GET4: variants seen among roughly 807,000 people sequenced by gnomAD.
GET4 encodes guided entry of tail-anchored proteins factor 4.
A neutral mutation model predicts 40.0 loss-of-function variants in GET4; 20 were observed. The ratio of observed to expected loss-of-function variants is 0.50; its 90% confidence interval spans 0.35 to 0.73. The LOEUF (loss-of-function observed/expected upper bound fraction) is 0.73, where lower values mean the gene tolerates loss of function less well. GET4 is among the 30% of genes least tolerant of loss of function. GET4 has a pLI of 0.01. For synonymous variants in GET4, 280 were observed against 194.6 expected (o/e 1.44, Z -3.65); for missense variants, 557 against 454.0 (o/e 1.23, Z -2.06).
At position 884,512 on chromosome 7, in the gene GET4, C is replaced by G. The variant is rs76122742; in HGVS notation, c.156-1544C>G. On this transcript the variant is annotated intron_variant, in intron 1 of 8. Coordinates refer to ENST00000265857, the MANE Select transcript of GET4 (RefSeq NM_015949.3). ...CTTTCTCTCTTGGGTGCGGGCTTTT[C>G]CCTCCTGGTGCCCTGCCTCTGTGCA... 2,281 of 433,218 alleles carry G rather than the reference C, an allele frequency of 5.3e-3. 28 individuals carry two copies. The highest frequency in any genetic ancestry group is 0.026 in the African/African-American group (1,232 of 48,284). 26.8% of individuals were successfully genotyped at this position (433,218 alleles called of 1,614,324 possible).
rs756878531 is a variant in GET4, at chr7:893,729, C to T, written c.747-11C>T. On this transcript the variant is annotated splice_polypyrimidine_tract_variant and intron_variant, in intron 6 of 8. Coordinates refer to ENST00000265857, the MANE Select transcript of GET4 (RefSeq NM_015949.3). ...GCTCACCCAGCACATCCCTGTGTGT[C>T]TCTGTCCCAGTGGGAAGCTGACGGT... 6.3e-6 allele frequency: 10 copies of T among 1,584,632 alleles called. No individual in the cohort carries two copies. In the East Asian group the frequency reaches 1.3e-4, roughly 21 times the overall value.
chr7:878,608 C>G (rs911000224), intron 1 of GET4, among the ~76,000 whole-genome samples: 1 of 145,338 alleles, frequency 6.9e-6, no homozygotes, highest in Admixed American at 7.0e-5. Flanking sequence ...GAGTCTCGCT[C>G]TGTCCTCTGT....
chr7:876,738 C>G lies in GET4; in HGVS notation c.93C>G (p.Arg31=). ...GGVQRVEGKL[R]ASVEKGDYYE... ...TCCAGCGTGTGGAGGGCAAGCTGCG[C>G]GCCAGCGTCGAGAAGGGCGACTACT... Residue 31 remains arginine (R), a synonymous_variant, in exon 1 of 9, where the codon CGC becomes CGG. Transcript: ENST00000265857. The G allele has an allele frequency of 7.3e-7, 1 of 1,375,298 alleles. No homozygotes were observed. The highest frequency in any genetic ancestry group is 9.5e-7 in the Non-Finnish European group (1 of 1,049,494). 85.2% of individuals were successfully genotyped at this position (1,375,298 alleles called of 1,614,324 possible).
At chr7:887,234 G>A (rs757268754) in intron 3 of GET4, 136 bp from the exon 4 acceptor site, 4 of 888,260 alleles carry the variant, frequency 4.5e-6, no homozygotes, top group South Asian at 2.6e-5. Context: ...GGTGGTCCAC[G>A]GCTCACTCAG....
intron 1 of GET4, chr7:884,442 C>A: frequency 9.2e-7 from 1 of 1,090,244 alleles, no homozygotes; most frequent in Non-Finnish European, 1.2e-6. Flanking sequence ...ACAGCAAAAC[C>A]GGAGGCCTGC....
chr7:885,100 G>T (rs1197079671), intron 1 of GET4: 4 of 152,222 alleles, frequency 2.6e-5, no homozygotes, highest in African/African-American at 9.7e-5. Flanking sequence ...TGTTTACTTA[G>T]TATTTTTCTT....
At chr7:885,150 A>T (rs1412607820) in intron 1 of GET4, 1 of 152,274 alleles carries the variant, frequency 6.6e-6, no homozygotes, top group African/African-American at 2.4e-5. Flanking sequence ...GTCCAAGGAC[A>T]TTTGGCTCGC....
At chr7:888,134 C>A (rs1021541036) in intron 4 of GET4, among the ~76,000 whole-genome samples, 3 of 152,176 alleles carry the variant, frequency 2.0e-5, no homozygotes, top group African/African-American at 7.2e-5. Context: ...CGTCAGGAGG[C>A]CTGCTCGGGT....
intron 4 of GET4, among the ~76,000 whole-genome samples, 164 bp from the exon 5 acceptor site, chr7:890,764 G>A (rs1233463021): frequency 6.6e-6 from 1 of 152,086 alleles, no homozygotes; most frequent in African/African-American, 2.4e-5. Context: ...GTGAGGCCTG[G>A]GCTGGCTCTG....
chr7:887,142 G>A (rs1031876975), intron 3 of GET4: 5 of 685,946 alleles, frequency 7.3e-6, no homozygotes, highest in East Asian at 5.8e-5. Flanking sequence ...CCCAGCCCCC[G>A]CCTCGGCCAG....
chr7:880,036 T>G (rs1263825765), intron 1 of GET4: 2 of 152,206 alleles, frequency 1.3e-5, no homozygotes, highest in Non-Finnish European at 2.9e-5. Flanking sequence ...GCCTAGGAAT[T>G]TGTATATAAA....
chr7:883,789 C>G, intron 1 of GET4: 1 of 988,296 alleles, frequency 1.0e-6, no homozygotes. Flanking sequence ...TTCGCAGCTT[C>G]CAGAATTCTC....
intron 5 of GET4, 121 bp downstream of exon 5, chr7:891,187 G>A (rs944946237): frequency 2.8e-5 from 20 of 725,808 alleles, no homozygotes; most frequent in Admixed American, 1.3e-4. Flanking sequence ...TTCACTCTGG[G>A]CAGAGCCCAC....
intron 3 of GET4, among the ~76,000 whole-genome samples, 181 bp downstream of exon 3, chr7:886,831 G>A (rs996468416): frequency 1.3e-5 from 2 of 152,228 alleles, no homozygotes; most frequent in Admixed American, 6.5e-5. Context: ...TGACCCTGGC[G>A]CGAGCACACG....
intron 8 of GET4, among the ~76,000 whole-genome samples, chr7:894,629 A>T (rs1337524574): frequency 6.6e-6 from 1 of 150,856 alleles, no homozygotes; most frequent in Non-Finnish European, 1.5e-5. Flanking sequence ...GAGCGCCCTG[A>T]CTCTTCTGAC....
chr7:881,203 T>C (rs556557788), intron 1 of GET4: 27 of 152,292 alleles, frequency 1.8e-4, no homozygotes, highest in African/African-American at 6.5e-4. Flanking sequence ...ATATATGTAA[T>C]TGCACATTTA....
intron 6 of GET4, 62 bp downstream of exon 6, chr7:892,480 G>T: frequency 2.6e-6 from 4 of 1,541,100 alleles, no homozygotes; most frequent in Non-Finnish European, 8.9e-7. Context: ...TGTAGACGTG[G>T]TGTGGATAGC....
chr7:879,177 T>G (rs574383522), intron 1 of GET4, among the ~76,000 whole-genome samples: 55 of 152,362 alleles, frequency 3.6e-4, no homozygotes, highest in African/African-American at 1.3e-3. Context: ...AGGTGCCACT[T>G]TGGTTGTAGT....
intron 1 of GET4, chr7:883,633 G>T (rs1844129196): frequency 1.0e-6 from 1 of 985,358 alleles, no homozygotes; most frequent in African/African-American, 1.7e-5. Context: ...GGCACGTCTG[G>T]GTGTCCACAT....
Sources: gnomAD v4.1 joint callset for allele counts (sites outside exome capture counted in the v4.1 genomes callset) on GRCh38, gnomAD v4.1.1 for gene constraint, MANE v1.5 for transcripts, NCBI Gene and HGNC (gene_info 2026-07-23, HGNC 2026-07-21) for gene names.